Variants in MBOAT2 observed in about 807,000 individuals in gnomAD.
MBOAT2 encodes the protein membrane-bound glycerophospholipid O-acyltransferase 2.
MBOAT2 carries 28 observed loss-of-function variants against 63.4 expected under a neutral mutation model. The observed-to-expected ratio is 0.44, with a 90% CI of 0.33 to 0.61. The LOEUF (loss-of-function observed/expected upper bound fraction) is 0.61. Among genes scored for constraint, MBOAT2 ranks in the 20% least tolerant of loss-of-function variants. The pLI, the probability that MBOAT2 is intolerant of heterozygous loss-of-function variation, is 0.03. For missense variants in MBOAT2, 470 were observed against 605.8 expected (o/e 0.78, Z 2.35); for synonymous variants, 211 against 215.6 (o/e 0.98, Z 0.19).
At chr2:8,973,862 G>A (rs1670634151) in intron 1 of MBOAT2, among the ~76,000 whole-genome samples, 1 of 152,170 alleles carries the variant, frequency 6.6e-6, no homozygotes, top group African/African-American at 2.4e-5. Context: ...GTTGGTGGAA[G>A]TATTTAATAT....
At chr2:8,947,015 T>C (rs114529573) in intron 2 of MBOAT2, among the ~76,000 whole-genome samples, 3,323 of 152,348 alleles carry the variant, frequency 0.022, 72 homozygotes, top group Admixed American at 0.076. Context: ...GGCTGAAAGC[T>C]AAGCCTCTTG....
At chr2:8,896,952 C>T (rs150954074) in intron 4 of MBOAT2, among the ~76,000 whole-genome samples, 4,743 of 152,312 alleles carry the variant, frequency 0.031, 157 homozygotes, top group East Asian at 0.1. Flanking sequence ...AGGAAGGCTA[C>T]GGGCTGTCAG....
Position 8,868,429 on chromosome 2 carries a change from C to G in MBOAT2, c.987+17G>C, listed in dbSNP as rs141051751. The G allele has an allele frequency of 9.2e-5, 148 of 1,605,098 alleles. No homozygotes were observed. In the African/African-American group the frequency reaches 1.8e-3, roughly 20 times the overall value. ...ACTTAAAGTATATAGTAACTAACTT[C>G]TTAAAGATTGACTCACCTCTATTTG... On this transcript the variant is annotated intron_variant, in intron 9 of 12. Coordinates refer to ENST00000305997, the MANE Select transcript of MBOAT2 (RefSeq NM_138799.4).
chr2:8,865,712 C>T (rs1661824443), intron 9 of MBOAT2, among the ~76,000 whole-genome samples: 1 of 152,220 alleles, frequency 6.6e-6, no homozygotes, highest in African/African-American at 2.4e-5. Context: ...GGCCTTTATG[C>T]CAATCCCTCT....
chr2:8,891,406 A>C (rs1663989700), intron 4 of MBOAT2, among the ~76,000 whole-genome samples: 2 of 152,216 alleles, frequency 1.3e-5, no homozygotes, highest in African/African-American at 4.8e-5. Flanking sequence ...GGAGACAAGA[A>C]AGACTGATGG....
Position 8,856,614 on chromosome 2 carries a change from G to T in MBOAT2, c.*2065C>A, listed in dbSNP as rs1444872457. ...CTGTCACCCAGGCTGGAGTGCAGTG[G>T]CACAATTTTAGCTCACTGCAACCTC... On this transcript the variant is annotated 3_prime_UTR_variant, in exon 13 of 13. Transcript: ENST00000305997. This position sits in a 1 kb window ranked among gnomAD's most constrained non-coding sequence, Gnocchi z 4.2. The T allele has an allele frequency of 2.6e-5, 4 of 151,610 alleles. No homozygotes were observed. The highest frequency in any genetic ancestry group is 7.3e-5 in the African/African-American group (3 of 41,168). The allele number at this position is 151,610 out of a possible 1,614,324, so 9.4% of individuals were successfully genotyped here.
chr2:8,978,242 AC>A (rs1670959067), intron 1 of MBOAT2, among the ~76,000 whole-genome samples: 1 of 151,712 alleles, frequency 6.6e-6, no homozygotes, highest in South Asian at 2.1e-4. Context: ...ACTCACTTCC[AC>A]CCCAAAGCTG....
rs1247116528 is a variant in MBOAT2 at position 8,857,018 on chromosome 2, A to G, written c.*1661T>C. On this transcript the variant is annotated 3_prime_UTR_variant, in exon 13 of 13. Transcript: ENST00000305997. ...AAAAGACACATGCCCATTTTTGCTGAGACCTCAAAAGCTGCAAGTGCATTT... is the reference window on the plus strand; with the variant it reads ...AAAAGACACATGCCCATTTTTGCTGGGACCTCAAAAGCTGCAAGTGCATTT... 1 of 152,622 alleles carries G rather than the reference A, an allele frequency of 6.6e-6. No individual in the cohort carries two copies. Among genetic ancestry groups the G allele is most frequent in the Non-Finnish European group, 1.5e-5 (1 of 68,028 alleles). 9.5% of individuals were successfully genotyped at this position (152,622 alleles called of 1,614,324 possible). A position where few individuals can be genotyped will look rare whatever the true frequency, so the allele number is the denominator to read the frequency against.
chr2:8,865,817 G>T (rs112331021), intron 9 of MBOAT2, among the ~76,000 whole-genome samples: 2 of 152,112 alleles, frequency 1.3e-5, no homozygotes, highest in African/African-American at 4.8e-5. Flanking sequence ...TGGGTAGATC[G>T]CCTGAAGTCA....
chr2:8,918,510 T>C (rs550873768), intron 3 of MBOAT2, among the ~76,000 whole-genome samples: 1 of 152,204 alleles, frequency 6.6e-6, no homozygotes, highest in Non-Finnish European at 1.5e-5. Flanking sequence ...CCAGCACTGA[T>C]GGATTTGCTG....
At chr2:8,987,267 T>C (rs573948178) in intron 1 of MBOAT2, among the ~76,000 whole-genome samples, 1 of 152,208 alleles carries the variant, frequency 6.6e-6, no homozygotes, top group Non-Finnish European at 1.5e-5. Flanking sequence ...ATATTTATAT[T>C]ATGACCAAAG....
At chr2:8,961,368 T>C (rs1294772740) in intron 1 of MBOAT2, among the ~76,000 whole-genome samples, 2 of 152,162 alleles carry the variant, frequency 1.3e-5, no homozygotes, top group East Asian at 1.9e-4. Flanking sequence ...AATTGGACAA[T>C]GGCCACCAAA....
intron 1 of MBOAT2, among the ~76,000 whole-genome samples, chr2:8,981,651 G>A (rs1472210013): frequency 6.6e-6 from 1 of 152,102 alleles, no homozygotes. Context: ...GGATGAGAGA[G>A]GGGGTAGGGC....
chr2:8,941,213 C>T (rs1307983712), intron 3 of MBOAT2, among the ~76,000 whole-genome samples: 1 of 152,158 alleles, frequency 6.6e-6, no homozygotes, highest in African/African-American at 2.4e-5. Context: ...CTGCTATTTA[C>T]TGCCAATCCT....
At chr2:8,892,942 C>A (rs1664113311) in intron 4 of MBOAT2, among the ~76,000 whole-genome samples, 1 of 151,852 alleles carries the variant, frequency 6.6e-6, no homozygotes, top group African/African-American at 2.4e-5. Flanking sequence ...AGGACACAGG[C>A]TTGGATCTGA....
intron 3 of MBOAT2, among the ~76,000 whole-genome samples, chr2:8,920,615 A>G (rs959793555): frequency 2.1e-4 from 32 of 152,158 alleles, no homozygotes; most frequent in African/African-American, 6.5e-4. Context: ...CTATAGATGA[A>G]TTTGTGAAGA....
At position 8,858,920 on chromosome 2, in the gene MBOAT2, A is replaced by G. The variant is rs755274884; in HGVS notation, c.1338-16T>C. The G allele has an allele frequency of 5.1e-6, 8 of 1,561,704 alleles. No homozygotes were observed. In the Admixed American group the frequency reaches 9.2e-5, roughly 18 times the overall value. The stretch of plus-strand genomic sequence containing the variant: ...ATACCAGGAGCTAAAAGAAAAAGGG[A>G]AAAAGTTTATTAAAACTTGATAATT... On this transcript the variant is annotated splice_polypyrimidine_tract_variant and intron_variant, in intron 12 of 12. Coordinates refer to ENST00000305997, the MANE Select transcript of MBOAT2 (RefSeq NM_138799.4).
At chr2:8,911,490 G>A (rs528858699) in intron 3 of MBOAT2, among the ~76,000 whole-genome samples, 12 of 152,228 alleles carry the variant, frequency 7.9e-5, no homozygotes, top group East Asian at 1.9e-4. Context: ...TGGGATGTTC[G>A]TCTCCTCTAA....
chr2:8,905,496 T>A (rs1230700035), intron 4 of MBOAT2, among the ~76,000 whole-genome samples: 1 of 152,212 alleles, frequency 6.6e-6, no homozygotes, highest in Non-Finnish European at 1.5e-5. Flanking sequence ...GAGATGCATG[T>A]CCTTTGTAGG....
Sources: allele counts gnomAD v4.1 joint callset (sites outside exome capture counted in the v4.1 genomes callset), GRCh38; gene constraint gnomAD v4.1.1; non-coding constraint Gnocchi (gnomAD v3.1); transcripts MANE v1.5; gene names NCBI Gene and HGNC (gene_info 2026-07-23, HGNC 2026-07-21).